The following SPHKAP variants were observed in gnomAD, a reference collection of about 807,000 sequenced individuals.
The protein encoded by SPHKAP is SPHK1 interactor, AKAP domain containing, also known as A-kinase anchor protein SPHKAP.
Under a neutral mutation model 137.5 loss-of-function variants are expected in SPHKAP, and 67 were observed. The ratio of observed to expected loss-of-function variants is 0.49; its 90% CI spans 0.40 to 0.60. The LOEUF (loss-of-function observed/expected upper bound fraction) is 0.60. Among genes scored for constraint, SPHKAP ranks in the 20% least tolerant of loss-of-function variants. The probability of loss-of-function intolerance (pLI) is 0.00; values close to 1 mark genes in which losing one functional copy is unlikely to be tolerated. For synonymous variants in SPHKAP, 813 were observed against 785.3 expected (o/e 1.04, Z -0.59); for missense variants, 2,097 against 2,069.3 (o/e 1.01, Z -0.26).
At chr2:228,016,164 AT>A (rs113826244) in intron 7 of SPHKAP, among the ~76,000 whole-genome samples, 2,805 of 148,406 alleles carry the variant, frequency 0.019, 68 homozygotes, top group African/African-American at 0.061. Context: ...CTAGGAGATC[AT>A]TTTTTTTTTA....
chr2:228,031,335 G>T (rs1382551324), intron 3 of SPHKAP, among the ~76,000 whole-genome samples: 1 of 152,332 alleles, frequency 6.6e-6, no homozygotes, highest in African/African-American at 2.4e-5. Flanking sequence ...GTTGGCCATT[G>T]CCCAGGCTTG....
intron 3 of SPHKAP, among the ~76,000 whole-genome samples, chr2:228,106,281 A>G (rs1389121795): frequency 1.3e-5 from 2 of 152,200 alleles, no homozygotes; most frequent in East Asian, 3.9e-4. Context: ...AAACACTAGA[A>G]GTTCATTACA....
chr2:228,073,809 C>G (rs1363641036), intron 3 of SPHKAP, among the ~76,000 whole-genome samples: 2 of 152,142 alleles, frequency 1.3e-5, no homozygotes, highest in Non-Finnish European at 2.9e-5. Flanking sequence ...AAGCATCAGC[C>G]CCTCTGCAAG....
At chr2:227,982,282 A>G (rs1693029606) in intron 11 of SPHKAP, 1 of 985,236 alleles carries the variant, frequency 1.0e-6, no homozygotes, top group African/African-American at 1.7e-5. Context: ...ATTTAGGCCA[A>G]ATAAATCAAG....
chr2:228,041,015 C>T (rs1695819279), intron 3 of SPHKAP, among the ~76,000 whole-genome samples: 1 of 152,164 alleles, frequency 6.6e-6, no homozygotes, highest in Admixed American at 6.5e-5. Flanking sequence ...TTCTACATTT[C>T]ACCTGCTTGG....
At chr2:227,992,539 C>G (rs1451850311) in intron 9 of SPHKAP, among the ~76,000 whole-genome samples, 1 of 151,996 alleles carries the variant, frequency 6.6e-6, no homozygotes, top group African/African-American at 2.4e-5. Flanking sequence ...TAAATGTTTC[C>G]TGAAAGAGAA....
At chr2:228,114,426 A>G (rs1205869243) in intron 2 of SPHKAP, among the ~76,000 whole-genome samples, 1 of 152,130 alleles carries the variant, frequency 6.6e-6, no homozygotes, top group Non-Finnish European at 1.5e-5. Flanking sequence ...GAAGACAGTG[A>G]CTGGTGATTA....
At chr2:228,027,861 G>C (rs866906847) in intron 3 of SPHKAP, 3 of 270,052 alleles carry the variant, frequency 1.1e-5, no homozygotes, top group African/African-American at 7.0e-5. Context: ...AGCTACTCGG[G>C]AGGCTGAGGC....
intron 11 of SPHKAP, among the ~76,000 whole-genome samples, chr2:227,984,251 G>C (rs1359601981): frequency 7.1e-6 from 1 of 141,412 alleles, no homozygotes; most frequent in Non-Finnish European, 1.5e-5. Context: ...AGTGAGCTGA[G>C]ATTTCACCAC....
At chr2:228,049,020 C>A (rs180944678) in intron 3 of SPHKAP, among the ~76,000 whole-genome samples, 2 of 152,254 alleles carry the variant, frequency 1.3e-5, no homozygotes, top group Non-Finnish European at 2.9e-5. Flanking sequence ...TGGGACGGTG[C>A]TTGAGAGCCC....
intron 3 of SPHKAP, among the ~76,000 whole-genome samples, chr2:228,050,662 C>A (rs996294162): frequency 6.6e-6 from 1 of 152,088 alleles, no homozygotes; most frequent in Non-Finnish European, 1.5e-5. Context: ...TTTCCTCTAG[C>A]GATTTTGAAG....
chr2:228,015,870 C>T (rs1377634285), intron 7 of SPHKAP, among the ~76,000 whole-genome samples: 1 of 151,918 alleles, frequency 6.6e-6, no homozygotes, highest in Admixed American at 6.6e-5. Context: ...AAAAATGATG[C>T]CAAAATATTT....
At chr2:227,998,161 C>T (rs1693705784) in intron 7 of SPHKAP, among the ~76,000 whole-genome samples, 2 of 152,098 alleles carry the variant, frequency 1.3e-5, no homozygotes, top group South Asian at 4.1e-4. Flanking sequence ...CATGTGTCAC[C>T]ATGCCTGGCT....
chr2:228,035,569 G>A (rs971784860), intron 3 of SPHKAP, among the ~76,000 whole-genome samples: 6 of 152,128 alleles, frequency 3.9e-5, no homozygotes, highest in Non-Finnish European at 8.8e-5. Context: ...AGCCTGTATC[G>A]CCAAGTCAAT....
chr2:228,178,540 CT>C (rs1253078806), intron 1 of SPHKAP, among the ~76,000 whole-genome samples: 2 of 151,952 alleles, frequency 1.3e-5, no homozygotes, highest in African/African-American at 4.8e-5. Context: ...TCCTTTGATT[CT>C]TTTTTTGTTT....
At chr2:228,025,653 G>T in intron 4 of SPHKAP, 125 bp from the exon 5 acceptor site, 1 of 1,132,466 alleles carries the variant, frequency 8.8e-7, no homozygotes, top group Admixed American at 3.4e-5. Context: ...AATCTACCAA[G>T]ATTCTTACTA....
chr2:228,045,500 A>G (rs916339218), intron 3 of SPHKAP, among the ~76,000 whole-genome samples: 1 of 151,604 alleles, frequency 6.6e-6, no homozygotes, highest in African/African-American at 2.4e-5. Flanking sequence ...TCGCAAGGAC[A>G]AAAAACCAAA....
At chr2:228,012,163 C>CAAAAAAAAAAAAAAAAAAAAAAAA (rs544782857) in intron 7 of SPHKAP, among the ~76,000 whole-genome samples, 2 of 84,918 alleles carry the variant, frequency 2.4e-5, no homozygotes, top group African/African-American at 9.8e-5. Context: ...GACTCTACCT[C>CAAAAAAAAAAAAAAAAAAAAAAAA]AAAAAAAAAA....
At chr2:228,028,520 T>C (rs1695148704) in intron 3 of SPHKAP, among the ~76,000 whole-genome samples, 2 of 152,258 alleles carry the variant, frequency 1.3e-5, no homozygotes, top group Admixed American at 6.5e-5. Flanking sequence ...GGTCAAGAAC[T>C]GATCACATAT....
Sources: allele counts gnomAD v4.1 joint callset (sites outside exome capture counted in the v4.1 genomes callset), GRCh38; gene constraint gnomAD v4.1.1; transcripts MANE v1.5; gene names NCBI Gene and HGNC (gene_info 2026-07-23, HGNC 2026-07-21).